The following PRUNE2 variants were observed in gnomAD, a reference collection of about 807,000 sequenced individuals.
PRUNE2 encodes prune homolog 2 with BCH domain.
In PRUNE2, 164 loss-of-function variants were observed where a neutral mutation model predicts 252.0. That is an observed-to-expected ratio of 0.65 (90% CI 0.57 to 0.74). PRUNE2 has a LOEUF of 0.74. Among genes scored for constraint, PRUNE2 ranks in the 30% least tolerant of loss-of-function variants. The probability of loss-of-function intolerance (pLI) is 0.00; values close to 1 mark genes in which losing one functional copy is unlikely to be tolerated. For synonymous variants in PRUNE2, 1,292 were observed against 1,350.2 expected (o/e 0.96, Z 0.94); for missense variants, 3,495 against 3,711.0 (o/e 0.94, Z 1.51).
At chr9:76,730,954 A>G (rs1195563405) in intron 6 of PRUNE2, among the ~76,000 whole-genome samples, 2 of 152,300 alleles carry the variant, frequency 1.3e-5, no homozygotes, top group East Asian at 3.9e-4. Context: ...AACACCAAAC[A>G]TTCTTAACAT....
At chr9:76,865,758 A>G (rs1453423609) in intron 1 of PRUNE2, among the ~76,000 whole-genome samples, 1 of 149,104 alleles carries the variant, frequency 6.7e-6, no homozygotes, top group Non-Finnish European at 1.5e-5. Flanking sequence ...TCCTGTCTCA[A>G]CCTTAACAGG....
chr9:76,624,642 T>C (rs1833887954), intron 16 of PRUNE2, among the ~76,000 whole-genome samples, 152 bp from the exon 17 acceptor site: 1 of 152,224 alleles, frequency 6.6e-6, no homozygotes, highest in African/African-American at 2.4e-5. Context: ...ACTCCTTCCA[T>C]TAAATATGTT....
intron 1 of PRUNE2, among the ~76,000 whole-genome samples, chr9:76,891,756 G>A (rs1377502342): frequency 6.6e-6 from 1 of 152,122 alleles, no homozygotes; most frequent in African/African-American, 2.4e-5. Flanking sequence ...ATTTTTCTTC[G>A]CACAGATGCT....
In PRUNE2 at chr9:76,710,762, C is replaced by G. The variant is rs1187369694; in HGVS notation, c.1512G>C (p.Gly504=). Residue 504 remains glycine, a synonymous_variant, in exon 8 of 19, where the codon GGG becomes GGC. Coordinates refer to ENST00000376718, the MANE Select transcript of PRUNE2 (RefSeq NM_015225.3). The part of the protein sequence containing the change: ...FNFDPAPMAS[G]QSQQSSHSAD... ...CAGAATGAGAAGATTGCTGGGACTG[C>G]CCAGAAGCCATGGGTGCTGGGTCAA... is the stretch of plus-strand genomic sequence containing the variant. 6.2e-7 allele frequency: 1 copy of G among 1,607,942 alleles called. No homozygotes were observed. The highest frequency in any genetic ancestry group is 8.5e-7 in the Non-Finnish European group (1 of 1,177,428).
intron 6 of PRUNE2, among the ~76,000 whole-genome samples, chr9:76,723,970 GCTAA>G (rs2047872837): frequency 6.6e-6 from 1 of 151,140 alleles, no homozygotes; most frequent in African/African-American, 2.4e-5. Context: ...ACCACGCTCG[GCTAA>G]CTTTTTGTAT....
At chr9:76,857,186 T>C (rs1564450450) in intron 1 of PRUNE2, 1 of 454,528 alleles carries the variant, frequency 2.2e-6, no homozygotes, top group Admixed American at 2.4e-5. Context: ...CATATACAGT[T>C]TCCAGGCTTC....
intron 16 of PRUNE2, among the ~76,000 whole-genome samples, chr9:76,625,406 A>G (rs1311430278): frequency 6.6e-6 from 1 of 152,204 alleles, no homozygotes; most frequent in Non-Finnish European, 1.5e-5. Context: ...GGTCTCTACC[A>G]TCGGGGTGGT....
intron 4 of PRUNE2, among the ~76,000 whole-genome samples, chr9:76,832,198 T>C (rs2058709286): frequency 6.6e-6 from 1 of 152,092 alleles, no homozygotes; most frequent in Non-Finnish European, 1.5e-5. Context: ...GCAGCAACTC[T>C]AAGAACCAGC....
intron 9 of PRUNE2, among the ~76,000 whole-genome samples, chr9:76,660,056 T>C (rs958792162): frequency 6.6e-6 from 1 of 152,040 alleles, no homozygotes. Flanking sequence ...AATAGCATAC[T>C]CCAAAAGTTA....
chr9:76,676,440 TACATTTAG>T (rs2042603285), intron 9 of PRUNE2, among the ~76,000 whole-genome samples: 1 of 152,092 alleles, frequency 6.6e-6, no homozygotes, highest in Non-Finnish European at 1.5e-5. Flanking sequence ...TACAAAATGG[TACATTTAG>T]AATGATACTA....
chr9:76,679,569 T>G (rs1229756042), intron 9 of PRUNE2, among the ~76,000 whole-genome samples: 1 of 152,152 alleles, frequency 6.6e-6, no homozygotes, highest in African/African-American at 2.4e-5. Flanking sequence ...GATAGAAGGA[T>G]TGCTTGAGCC....
intron 6 of PRUNE2, among the ~76,000 whole-genome samples, chr9:76,801,730 A>G (rs2131577217): frequency 6.6e-6 from 1 of 152,328 alleles, no homozygotes; most frequent in African/African-American, 2.4e-5. Context: ...GCTATTTTCT[A>G]TAATGGTAAA....
At chr9:76,803,300 G>T (rs1446962587) in intron 6 of PRUNE2, among the ~76,000 whole-genome samples, 5 of 152,186 alleles carry the variant, frequency 3.3e-5, no homozygotes, top group African/African-American at 1.2e-4. Flanking sequence ...TAGCATGGAA[G>T]AATGTGTGGA....
intron 9 of PRUNE2, among the ~76,000 whole-genome samples, chr9:76,683,945 T>C (rs991139009): frequency 6.6e-6 from 1 of 150,944 alleles, no homozygotes; most frequent in Non-Finnish European, 1.5e-5. Context: ...TATATGTACA[T>C]ATTATATATA....
chr9:76,828,813 T>G (rs1455090459), intron 4 of PRUNE2, among the ~76,000 whole-genome samples: 1 of 151,942 alleles, frequency 6.6e-6, no homozygotes, highest in Non-Finnish European at 1.5e-5. Context: ...GTCAGGAGTT[T>G]AAGACCAGCC....
chr9:76,624,022 G>C (rs1235104337), intron 17 of PRUNE2, among the ~76,000 whole-genome samples: 1 of 152,172 alleles, frequency 6.6e-6, no homozygotes, highest in African/African-American at 2.4e-5. Flanking sequence ...GTAAGTTGTT[G>C]TTTTAATTCA....
intron 1 of PRUNE2, among the ~76,000 whole-genome samples, chr9:76,885,809 C>T (rs928506888): frequency 6.6e-6 from 1 of 151,784 alleles, no homozygotes; most frequent in Non-Finnish European, 1.5e-5. Context: ...ACAGTACCTA[C>T]CAAATAGGGC....
At chr9:76,630,649 C>T (rs1001471606) in intron 15 of PRUNE2, among the ~76,000 whole-genome samples, 30 of 152,162 alleles carry the variant, frequency 2.0e-4, no homozygotes, top group Admixed American at 1.3e-3. Flanking sequence ...CTCAGCCTCC[C>T]GAGTAGCTGG....
At position 76,709,000 on chromosome 9, in the gene PRUNE2, T is replaced by C; in HGVS notation, c.3274A>G (p.Asn1092Asp). 1 of 1,613,984 alleles carries C rather than the reference T, an allele frequency of 6.2e-7. No individual in the cohort carries two copies. The highest frequency in any genetic ancestry group is 2.2e-5 in the East Asian group (1 of 44,884). ...CTGTGCAAAAGTGTGAGTTGTCGGT[T>C]TGTTTCATTGTACAGTTGCATCATG... Reference protein sequence around the residue: ...PSMMQLYNETNRQLTLLHSST... With the variant: ...PSMMQLYNETDRQLTLLHSST... Residue 1092 changes from asparagine (N) to aspartate (D), a missense_variant, in exon 8 of 19, where the codon AAC (asparagine) becomes GAC (aspartate). Physicochemically the swap from Asn to Asp is conservative, Grantham distance 23 (BLOSUM62 1). Transcript: ENST00000376718.
Sources: allele counts gnomAD v4.1 joint callset (sites outside exome capture counted in the v4.1 genomes callset), GRCh38; gene constraint gnomAD v4.1.1; transcripts MANE v1.5; gene names NCBI Gene and HGNC (gene_info 2026-07-23, HGNC 2026-07-21).